Variants in CDHR4 observed in about 807,000 individuals in gnomAD.
CDHR4 encodes cadherin related family member 4, also known as cadherin-related family member 4.
Under a neutral mutation model 88.4 loss-of-function variants are expected in CDHR4, and 89 were observed. The ratio of observed to expected loss-of-function variants is 1.01; its 90% CI spans 0.85 to 1.20. The LOEUF is 1.20. Among genes scored for constraint, CDHR4 ranks in the 50% most tolerant of loss-of-function variants. The pLI, the probability that CDHR4 is intolerant of heterozygous loss-of-function variation, is 0.00. For synonymous variants in CDHR4, 368 were observed against 399.2 expected (o/e 0.92, Z 0.93); for missense variants, 914 against 1,007.2 (o/e 0.91, Z 1.25).
upstream of CDHR4, among the ~76,000 whole-genome samples, chr3:49,800,082 C>A (rs1223813696): frequency 1.3e-5 from 2 of 152,160 alleles, no homozygotes; most frequent in African/African-American, 4.8e-5. Flanking sequence ...GATGAGGAAA[C>A]TGGTCATGCA....
Position 49,793,991 on chromosome 3 carries a change from A to T in CDHR4, c.1295T>A (p.Leu432Gln), listed in dbSNP as rs2081226734. The change falls in exon 11 of 19, where the codon CTG becomes CAG. Residue 432 changes from leucine (L) to glutamine (Q), a missense_variant. Transcript: ENST00000412678. ...QPQMTTEVPVLVMVTPINEFS... is the reference protein window; with the variant it reads ...QPQMTTEVPVQVMVTPINEFS... ...CTCGTTGATGGGTGTCACCATCACC[A>T]GTACCGGCACCTCAGCTGGAAGTCA... 6 of 1,551,612 alleles carry T rather than the reference A, an allele frequency of 3.9e-6. No homozygotes were observed. Among genetic ancestry groups the T allele is most frequent in the Non-Finnish European group, 3.5e-6 (4 of 1,146,978 alleles).
rs781047063 is a variant in CDHR4, at chr3:49,795,712, C to T, written c.763G>A (p.Val255Met). Reference sequence around the variant, plus strand: ...ACACCCCGGGCCTGGACCTGAACCACCTCACTACCGGGGGCCAGATTCTCA... The same window carrying T: ...ACACCCCGGGCCTGGACCTGAACCATCTCACTACCGGGGGCCAGATTCTCA... The part of the protein sequence containing the change: ...IPENLAPGSE[V>M]VQVQARGVDL... Residue 255 changes from valine (V) to methionine (M), a missense_variant, in exon 7 of 19, where the codon GTG becomes ATG. Transcript: ENST00000412678. This position sits in a 1 kb window ranked among gnomAD's most constrained non-coding sequence, Gnocchi z 5.4. 2 of 1,551,688 alleles carry T rather than the reference C, an allele frequency of 1.3e-6. No homozygotes were observed. The highest frequency in any genetic ancestry group is 1.7e-6 in the Non-Finnish European group (2 of 1,146,984).
chr3:49,791,823 AGTACAGGGCAAGG>A, intron 16 of CDHR4, 22 bp from the exon 17 acceptor site: 1 of 1,551,694 alleles, frequency 6.4e-7, no homozygotes, highest in Non-Finnish European at 8.7e-7. Flanking sequence ...TACGAGCAAG[AGTACAGGGCAAGG>A]CTCTGGGCCC....
chr3:49,802,545 C>T (rs2081375870), upstream of CDHR4, among the ~76,000 whole-genome samples: 1 of 152,214 alleles, frequency 6.6e-6, no homozygotes, highest in African/African-American at 2.4e-5. Context: ...AGCTAGCCCA[C>T]GGCCCTCATT....
In CDHR4 at chr3:49,795,927, G is replaced by A; in HGVS notation, c.710+16C>T. The A allele has an allele frequency of 6.5e-7, 1 of 1,528,808 alleles. No homozygotes were observed. The highest frequency in any genetic ancestry group is 8.8e-7 in the Non-Finnish European group (1 of 1,136,118). 94.7% of individuals were successfully genotyped at this position (1,528,808 alleles called of 1,614,324 possible). On this transcript the variant is annotated intron_variant, in intron 6 of 18. Coordinates refer to ENST00000412678, the MANE Select transcript of CDHR4 (RefSeq NM_001007540.4). The surrounding 1 kb of genome is among the most constrained non-coding windows in gnomAD (Gnocchi z 5.4). Reference sequence around the variant, plus strand: ...GGCCCTTCCTCCCTCACTGTTCCAGGGTAGGGGAGCCTTACAGGAAGGAGA... The same window carrying A: ...GGCCCTTCCTCCCTCACTGTTCCAGAGTAGGGGAGCCTTACAGGAAGGAGA...
At chr3:49,797,908 CT>C (rs34937740) in intron 4 of CDHR4, among the ~76,000 whole-genome samples, 21,550 of 131,074 alleles carry the variant, frequency 0.16, 1,380 homozygotes, top group African/African-American at 0.22. Context: ...TTTTTAAATA[CT>C]TTTTTTTTTT....
Position 49,792,548 on chromosome 3 carries a change from G to A in CDHR4, c.2058C>T (p.Pro686=). Reference sequence around the variant, plus strand: ...TTGCTGTCAACACCACCACAAACCAGGGCTGTGGCTGCCAGAAAGCCTCTG... The same window carrying A: ...TTGCTGTCAACACCACCACAAACCAAGGCTGTGGCTGCCAGAAAGCCTCTG... The part of the protein sequence containing the change: ...TDTEAFWQPQ[P]WFVVVLTATG... The change falls in exon 15 of 19, where the codon CCC becomes CCT. Residue 686 remains proline, a synonymous_variant. Coordinates refer to ENST00000412678, the MANE Select transcript of CDHR4 (RefSeq NM_001007540.4). 1 of 1,551,670 alleles carries A rather than the reference G, an allele frequency of 6.4e-7. No homozygotes were observed. Among genetic ancestry groups the A allele is most frequent in the South Asian group, 1.2e-5 (1 of 84,058 alleles).
rs1250466132 is a variant in CDHR4 at position 49,795,374 on chromosome 3, C to T, written c.853G>A (p.Gly285Ser). 36 of 1,550,080 alleles carry T rather than the reference C, an allele frequency of 2.3e-5. No individual in the cohort carries two copies. The highest frequency in any genetic ancestry group is 2.2e-4 in the Admixed American group (11 of 50,938). Residue 285 changes from glycine to serine, a missense_variant, in exon 8 of 19, where the codon GGT becomes AGT. Transcript: ENST00000412678. The surrounding 1 kb of genome is among the most constrained non-coding windows in gnomAD (Gnocchi z 5.4). ...SPLFSIGRAD[G>S]VVRTTTPLEL... ...AGGGGCGTGGTGGTCCGGACCACAC[C>T]GTCTGCTGCATGGGGTGAGAGAACA...
chr3:49,799,200 G>A (rs772623366), intron 2 of CDHR4, 44 bp from the exon 3 acceptor site: 7 of 1,604,868 alleles, frequency 4.4e-6, no homozygotes, highest in Non-Finnish European at 5.1e-6. Context: ...GAAATTTTAG[G>A]TCTGCCCTTG....
chr3:49,794,104 G>C, intron 10 of CDHR4, 98 bp from the exon 11 acceptor site: 1 of 1,218,594 alleles, frequency 8.2e-7, no homozygotes, highest in Non-Finnish European at 1.1e-6. Flanking sequence ...GGGGTCTAAA[G>C]AGTGAGAGGG....
chr3:49,794,902 A>C, intron 9 of CDHR4, 45 bp downstream of exon 9: 1 of 1,545,856 alleles, frequency 6.5e-7, no homozygotes, highest in Non-Finnish European at 8.7e-7. Flanking sequence ...ACCCCTTCCC[A>C]CTGCAAGCAC....
Position 49,795,776 on chromosome 3 carries a change from G to T in CDHR4, c.711-12C>A, listed in dbSNP as rs192277856. 7,413 of 1,551,572 alleles carry T rather than the reference G, an allele frequency of 4.8e-3. 23 individuals carry two copies. The highest frequency in any genetic ancestry group is 5.9e-3 in the Non-Finnish European group (6,712 of 1,146,934). On this transcript the variant is annotated splice_polypyrimidine_tract_variant and intron_variant, in intron 6 of 18. Transcript: ENST00000412678. The surrounding 1 kb of genome is among the most constrained non-coding windows in gnomAD (Gnocchi z 5.4). Reference sequence around the variant, plus strand: ...TCTGAGCCTGCTCGCTGGACCAAAAGGGGGGCACTGGTTCCTGCCCATTCC... The same window carrying T: ...TCTGAGCCTGCTCGCTGGACCAAAATGGGGGCACTGGTTCCTGCCCATTCC...
rs1234340618 is a variant in CDHR4 at position 49,792,951 on chromosome 3, C to T, written c.1898G>A (p.Gly633Asp). ...GGTGCTGAGGTGGGGGGTGGAGGGG[C>T]CTGCATCGGCCACACAGATCAGTAG... Reference protein sequence around the residue: ...YELLICVADAGPSTPHLSTTA... With the variant: ...YELLICVADADPSTPHLSTTA... Residue 633 changes from glycine (G) to aspartate (D), a missense_variant, in exon 14 of 19, where the codon GGC becomes GAC. Coordinates refer to ENST00000412678, the MANE Select transcript of CDHR4 (RefSeq NM_001007540.4). The T allele has an allele frequency of 1.3e-6, 2 of 1,551,666 alleles. No individual in the cohort carries two copies. The highest frequency in any genetic ancestry group is 1.7e-6 in the Non-Finnish European group (2 of 1,146,980).
At chr3:49,800,335 G>A (rs995773921), upstream of CDHR4, among the ~76,000 whole-genome samples, 6 of 151,912 alleles carry the variant, frequency 3.9e-5, no homozygotes, top group Non-Finnish European at 5.9e-5. Flanking sequence ...ATATCAGCCT[G>A]GGCAACAAAG....
intron 9 of CDHR4, 120 bp downstream of exon 9, chr3:49,794,827 C>T (rs956843316): frequency 5.1e-5 from 74 of 1,446,594 alleles, no homozygotes; most frequent in South Asian, 9.3e-5. Flanking sequence ...GACTGCAACA[C>T]AGGTTGGCTC....
intron 12 of CDHR4, 76 bp from the exon 13 acceptor site, chr3:49,793,387 C>T (rs1208728031): frequency 4.0e-6 from 6 of 1,506,630 alleles, no homozygotes; most frequent in Non-Finnish European, 5.3e-6. Flanking sequence ...AACTTCTTCT[C>T]ACCACAGCCG....
intron 4 of CDHR4, among the ~76,000 whole-genome samples, chr3:49,797,305 GTC>G (rs780164929): frequency 6.9e-6 from 1 of 145,714 alleles, no homozygotes; most frequent in Non-Finnish European, 1.5e-5. Flanking sequence ...TTGAGACAGA[GTC>G]TCTCTCTGTC....
intron 5 of CDHR4, 52 bp downstream of exon 5, chr3:49,796,870 G>A: frequency 2.8e-6 from 4 of 1,420,680 alleles, no homozygotes; most frequent in Non-Finnish European, 3.9e-6. Context: ...TTTCTAAAAG[G>A]TAGGCACTCT....
At chr3:49,794,544 G>T in intron 10 of CDHR4, 64 bp downstream of exon 10, 1 of 1,308,618 alleles carries the variant, frequency 7.6e-7, no homozygotes, top group Non-Finnish European at 1.1e-6. Flanking sequence ...CCTGTCCTGA[G>T]CATGGGAAGC....
Sources: gnomAD v4.1 joint callset for allele counts (sites outside exome capture counted in the v4.1 genomes callset) on GRCh38, gnomAD v4.1.1 for gene constraint, Gnocchi (gnomAD v3.1) non-coding constraint, MANE v1.5 for transcripts, NCBI Gene and HGNC (gene_info 2026-07-23, HGNC 2026-07-21) for gene names.